SPIDR: variants seen among roughly 807,000 people sequenced by gnomAD.
SPIDR encodes DNA repair-scaffolding protein.
SPIDR carries 93 observed loss-of-function variants against 104.6 expected under a neutral mutation model. The ratio of observed to expected loss-of-function variants is 0.89; its 90% CI spans 0.75 to 1.06. The LOEUF is 1.06. Ranked by LOEUF, SPIDR falls within the 50% of genes least tolerant of loss-of-function variation. The pLI is 0.00. For synonymous variants in SPIDR, 431 were observed against 416.9 expected, an observed-to-expected ratio of 1.03 and a Z score of -0.41; for missense variants, 1,154 against 1,111.2, an observed-to-expected ratio of 1.04 and a Z score of -0.55.
At chr8:47,265,757 G>T (rs905547491) in intron 1 of SPIDR, among the ~76,000 whole-genome samples, 1 of 152,140 alleles carries the variant, frequency 6.6e-6, no homozygotes. Context: ...GTAATATAGA[G>T]AATAATTGTT....
intron 8 of SPIDR, among the ~76,000 whole-genome samples, chr8:47,449,562 G>A (rs979244860): frequency 6.6e-6 from 1 of 152,160 alleles, no homozygotes; most frequent in African/African-American, 2.4e-5. Context: ...CAGTACTAAC[G>A]ATGAAAACTT....
chr8:47,372,079 C>G (rs1051502567), intron 5 of SPIDR, among the ~76,000 whole-genome samples: 1 of 152,108 alleles, frequency 6.6e-6, no homozygotes, highest in Admixed American at 6.5e-5. Context: ...GGGAAGACTT[C>G]CCCATCAACT....
At chr8:47,487,088 G>A (rs1412844705) in intron 8 of SPIDR, among the ~76,000 whole-genome samples, 2 of 152,218 alleles carry the variant, frequency 1.3e-5, no homozygotes, top group Admixed American at 1.3e-4. Context: ...CCATCAGTGT[G>A]CTGTATTCAG....
In SPIDR at chr8:47,599,054, G is replaced by A. The variant is rs1243647349; in HGVS notation, c.1402G>A (p.Val468Met). The A allele has an allele frequency of 1.9e-6, 3 of 1,613,084 alleles. No individual in the cohort carries two copies. Among genetic ancestry groups the A allele is most frequent in the Admixed American group, 1.7e-5 (1 of 59,812 alleles). ...TCCCCTGAGGGATTCTCTCCTGGAT[G>A]TGGTGGAAAGCCAGGGAGCTGCCTC... Reference protein sequence around the residue: ...STPLRDSLLDVVESQGAASWP... With the variant: ...STPLRDSLLDMVESQGAASWP... The change falls in exon 10 of 20, where the codon GTG becomes ATG. Residue 468 changes from valine (V) to methionine (M), a missense_variant. Coordinates refer to ENST00000297423, the MANE Select transcript of SPIDR (RefSeq NM_001080394.4).
At chr8:47,334,786 T>C (rs563256631) in intron 5 of SPIDR, among the ~76,000 whole-genome samples, 1 of 152,316 alleles carries the variant, frequency 6.6e-6, no homozygotes, top group East Asian at 1.9e-4. Flanking sequence ...ATCTACCATA[T>C]TTGTTACTGG....
At chr8:47,556,620 T>TG (rs2091355918) in intron 8 of SPIDR, among the ~76,000 whole-genome samples, 1 of 152,182 alleles carries the variant, frequency 6.6e-6, no homozygotes, top group Non-Finnish European at 1.5e-5. Flanking sequence ...TTTATAGAGA[T>TG]GGGGTCTTGC....
intron 10 of SPIDR, among the ~76,000 whole-genome samples, chr8:47,611,062 G>A (rs1341099231): frequency 6.6e-6 from 1 of 152,200 alleles, no homozygotes; most frequent in African/African-American, 2.4e-5. Flanking sequence ...ATGGGTTGAT[G>A]GGAAACAGCA....
chr8:47,288,845 ACAT>A (rs2039364213), intron 3 of SPIDR, among the ~76,000 whole-genome samples: 2 of 152,198 alleles, frequency 1.3e-5, no homozygotes, highest in African/African-American at 4.8e-5. Context: ...GTTTTTTCAG[ACAT>A]CATCTTGTCA....
chr8:47,535,459 G>A (rs1022566743), intron 8 of SPIDR, among the ~76,000 whole-genome samples: 13 of 152,006 alleles, frequency 8.6e-5, no homozygotes, highest in Non-Finnish European at 1.9e-4. Context: ...ATAAGAAAGG[G>A]AAACTTAAGG....
intron 8 of SPIDR, among the ~76,000 whole-genome samples, chr8:47,581,369 A>G (rs1242095021): frequency 6.6e-6 from 1 of 152,168 alleles, no homozygotes; most frequent in East Asian, 1.9e-4. Flanking sequence ...CTAAGTAGAT[A>G]TTAGTAAGTT....
At chr8:47,337,216 C>T (rs1433742606) in intron 5 of SPIDR, among the ~76,000 whole-genome samples, 1 of 152,130 alleles carries the variant, frequency 6.6e-6, no homozygotes, top group Non-Finnish European at 1.5e-5. Context: ...CAGCCTCGAC[C>T]TCCTGGGTTC....
Position 47,648,890 on chromosome 8 carries a change from T to A in SPIDR, c.1545-24911T>A, listed in dbSNP as rs758996803. Among the ~76,000 whole-genome samples, 8 of 151,882 alleles carry A rather than the reference T, an allele frequency of 5.3e-5. No individual in the cohort carries two copies. The South Asian group carries it at 1.7e-3, about 32-fold the overall frequency. On this transcript the variant is annotated intron_variant, in intron 10 of 19. Coordinates refer to ENST00000297423, the MANE Select transcript of SPIDR (RefSeq NM_001080394.4). ...ACAAATGAAAAATAATTTAAGAAAA[T>A]GAATGAATTGGAAATTTGATAAGGA...
intron 17 of SPIDR, among the ~76,000 whole-genome samples, chr8:47,727,980 G>A (rs2084547930): frequency 6.6e-6 from 1 of 152,200 alleles, no homozygotes; most frequent in African/African-American, 2.4e-5. Flanking sequence ...AGCTGGGCAT[G>A]GTGGCGCGTG....
At position 47,405,431 on chromosome 8, in the gene SPIDR, T is replaced by C. The variant is rs577691790; in HGVS notation, c.777-2430T>C. Among the ~76,000 whole-genome samples, 5 of 152,206 alleles carry C rather than the reference T, an allele frequency of 3.3e-5. 1 individual carries two copies. The South Asian group carries it at 1.0e-3, about 32-fold the overall frequency. ...AAAAATAAACCAAAATTTTAAAATATTGTATTTACAGTCATTTTAATTGTT... is the reference window on the plus strand; with the variant it reads ...AAAAATAAACCAAAATTTTAAAATACTGTATTTACAGTCATTTTAATTGTT... On this transcript the variant is annotated intron_variant, in intron 6 of 19. Coordinates refer to ENST00000297423, the MANE Select transcript of SPIDR (RefSeq NM_001080394.4).
intron 8 of SPIDR, among the ~76,000 whole-genome samples, chr8:47,533,043 CAA>C (rs1322251932): frequency 2.6e-5 from 4 of 151,912 alleles, no homozygotes; most frequent in Admixed American, 6.6e-5. Context: ...AATATTTTAA[CAA>C]AGTGAAAATG....
chr8:47,723,460 C>T (rs2083721525), intron 16 of SPIDR, among the ~76,000 whole-genome samples: 2 of 141,592 alleles, frequency 1.4e-5, no homozygotes, highest in South Asian at 2.3e-4. Flanking sequence ...GAAGGAGTCT[C>T]GCTCTGTCGC....
chr8:47,729,322 T>A, intron 18 of SPIDR, 90 bp from the exon 19 acceptor site: 1 of 1,519,002 alleles, frequency 6.6e-7, no homozygotes. Flanking sequence ...GGTTTGGATA[T>A]AACATGTTAA....
At chr8:47,519,207 C>T (rs142102517) in intron 8 of SPIDR, among the ~76,000 whole-genome samples, 3,762 of 152,144 alleles carry the variant, frequency 0.025, 68 homozygotes, top group Non-Finnish European at 0.037. Context: ...TGCAGTGGCG[C>T]GATCTCAGCT....
At chr8:47,668,591 T>G (rs1454282543) in intron 10 of SPIDR, among the ~76,000 whole-genome samples, 1 of 152,056 alleles carries the variant, frequency 6.6e-6, no homozygotes, top group Non-Finnish European at 1.5e-5. Flanking sequence ...TATAAAACAT[T>G]CAAGACTTTT....
Sources: gnomAD v4.1 joint callset for allele counts (sites outside exome capture counted in the v4.1 genomes callset) on GRCh38, gnomAD v4.1.1 for gene constraint, MANE v1.5 for transcripts, NCBI Gene and HGNC (gene_info 2026-07-23, HGNC 2026-07-21) for gene names.